GRIP1: variants seen among roughly 807,000 people sequenced by gnomAD.
GRIP1 encodes the protein glutamate receptor interacting protein 1, also known as glutamate receptor-interacting protein 1.
A neutral mutation model predicts 129.9 loss-of-function variants in GRIP1; 45 were observed. That is an observed-to-expected ratio of 0.35 (90% confidence interval 0.27 to 0.44). The LOEUF is 0.44. Ranked by LOEUF, GRIP1 falls within the 20% of genes least tolerant of loss-of-function variation. The pLI, the probability that GRIP1 is intolerant of heterozygous loss-of-function variation, is 1.00. For synonymous variants in GRIP1, 530 were observed against 520.8 expected (o/e 1.02, Z -0.24); for missense variants, 1,196 against 1,396.8 (o/e 0.86, Z 2.29).
At chr12:66,923,743 C>G (rs75412690) in intron 1 of GRIP1, among the ~76,000 whole-genome samples, 2,072 of 152,210 alleles carry the variant, frequency 0.014, 56 homozygotes, top group African/African-American at 0.047. Flanking sequence ...TGGGAAGATC[C>G]CTTACCCTAA....
chr12:66,618,313 G>T (rs576408748), intron 1 of GRIP1, among the ~76,000 whole-genome samples: 51 of 152,178 alleles, frequency 3.4e-4, no homozygotes, highest in African/African-American at 9.6e-4. Context: ...AGAAAATTAC[G>T]AATATAAATT....
intron 19 of GRIP1, among the ~76,000 whole-genome samples, chr12:66,388,318 C>T (rs555000798): frequency 2.8e-4 from 42 of 152,192 alleles, no homozygotes; most frequent in African/African-American, 9.6e-4. Context: ...GAAATAATTT[C>T]ATTTTCTGAG....
chr12:67,039,622 CAA>C (rs1475790057), intron 1 of GRIP1, among the ~76,000 whole-genome samples: 3 of 152,248 alleles, frequency 2.0e-5, no homozygotes, highest in South Asian at 2.1e-4. Flanking sequence ...AGGTGGAATT[CAA>C]AAGAGTCTCA....
intron 1 of GRIP1, among the ~76,000 whole-genome samples, chr12:66,689,146 C>T (rs1403147978): frequency 2.0e-5 from 3 of 152,182 alleles, no homozygotes; most frequent in East Asian, 3.8e-4. Context: ...AAGACAACCT[C>T]GGTCCAGTTT....
upstream of GRIP1, among the ~76,000 whole-genome samples, chr12:66,807,440 G>A (rs545757292): frequency 2.0e-3 from 299 of 152,200 alleles, no homozygotes; most frequent in African/African-American, 6.5e-3. Flanking sequence ...TTGGGAGGCC[G>A]AGGCAGGTGG....
At chr12:66,499,294 T>G (rs1266121060) in intron 7 of GRIP1, among the ~76,000 whole-genome samples, 1 of 152,140 alleles carries the variant, frequency 6.6e-6, no homozygotes, top group Non-Finnish European at 1.5e-5. Flanking sequence ...AAACAAGAGG[T>G]AGCCTGCTTA....
At chr12:67,039,871 T>C (rs1042601689) in intron 1 of GRIP1, among the ~76,000 whole-genome samples, 12 of 152,220 alleles carry the variant, frequency 7.9e-5, no homozygotes, top group African/African-American at 2.7e-4. Context: ...TGGTCTTTGG[T>C]AGGAAAAGAT....
intron 9 of GRIP1, among the ~76,000 whole-genome samples, chr12:66,460,252 T>G (rs1252289184): frequency 6.6e-6 from 1 of 152,142 alleles, no homozygotes; most frequent in African/African-American, 2.4e-5. Context: ...AACAACACAT[T>G]TAAAATATTA....
intron 1 of GRIP1, among the ~76,000 whole-genome samples, chr12:67,027,184 G>A (rs2042952980): frequency 6.6e-6 from 1 of 152,200 alleles, no homozygotes; most frequent in South Asian, 2.1e-4. Context: ...ACAGCTTGCA[G>A]GGACAGTAAA....
rs763966167 is a variant in GRIP1 at position 66,456,346 on chromosome 12, C to T, written c.1043-4G>A. 1.6e-6 allele frequency: 2 copies of T among 1,283,732 alleles called. No individual in the cohort carries two copies. Among genetic ancestry groups the T allele is most frequent in the African/African-American group, 1.5e-5 (1 of 65,700 alleles). The allele number at this position is 1,283,732 out of a possible 1,614,324, so 79.5% of individuals were successfully genotyped here. A position where few individuals can be genotyped will look rare whatever the true frequency, so the allele number is the denominator to read the frequency against. On this transcript the variant is annotated splice_region_variant and splice_polypyrimidine_tract_variant and intron_variant, in intron 9 of 24. Coordinates refer to ENST00000359742, the MANE Select transcript of GRIP1 (RefSeq NM_001366722.1). Reference sequence around the variant, plus strand: ...CTGTCGCTCCTCTGAATTTTCACTGCCCATATGAAGTGATGATGAAAAATA... The same window carrying T: ...CTGTCGCTCCTCTGAATTTTCACTGTCCATATGAAGTGATGATGAAAAATA...
At chr12:66,841,667 T>C (rs1300930373) in intron 1 of GRIP1, among the ~76,000 whole-genome samples, 1 of 152,166 alleles carries the variant, frequency 6.6e-6, no homozygotes, top group East Asian at 1.9e-4. Flanking sequence ...AAGTGGGGTT[T>C]CATGAAATAT....
chr12:66,673,370 C>T lies in GRIP1; in HGVS notation c.55+5480G>A, dbSNP rs570116672. On this transcript the variant is annotated intron_variant, in intron 1 of 24. Coordinates refer to ENST00000359742, the MANE Select transcript of GRIP1 (RefSeq NM_001366722.1). ...ATTTCCCAAAAGTATATAAGTTAATCGATTAGAATGCCTATCCTACATTGG... is the reference window on the plus strand; with the variant it reads ...ATTTCCCAAAAGTATATAAGTTAATTGATTAGAATGCCTATCCTACATTGG... Among the ~76,000 whole-genome samples, 10 of 152,226 alleles carry T rather than the reference C, an allele frequency of 6.6e-5. No individual in the cohort carries two copies. The South Asian group carries it at 1.9e-3, about 28-fold the overall frequency.
chr12:66,370,589 G>T (rs552040092), intron 23 of GRIP1, among the ~76,000 whole-genome samples: 3 of 152,150 alleles, frequency 2.0e-5, no homozygotes, highest in African/African-American at 7.2e-5. Flanking sequence ...GTAAGGTAAC[G>T]AATGTCTAGC....
intron 1 of GRIP1, among the ~76,000 whole-genome samples, chr12:66,864,518 C>T (rs1387425181): frequency 6.6e-6 from 1 of 151,502 alleles, no homozygotes; most frequent in Non-Finnish European, 1.5e-5. Context: ...AAGTTCGAGA[C>T]CAGCCTGGGC....
chr12:67,048,108 C>G (rs1565654926), intron 1 of GRIP1, among the ~76,000 whole-genome samples: 2 of 151,480 alleles, frequency 1.3e-5, no homozygotes. Context: ...ACAGAACACA[C>G]TGTTCTATTC....
At chr12:66,476,020 G>C (rs978506222) in intron 7 of GRIP1, among the ~76,000 whole-genome samples, 1 of 152,168 alleles carries the variant, frequency 6.6e-6, no homozygotes, top group African/African-American at 2.4e-5. Context: ...ACTAAGATCA[G>C]AGGAGAACTG....
chr12:66,852,546 A>ATATGTATATATGTATATG (rs2039932617), intron 1 of GRIP1, among the ~76,000 whole-genome samples: 1 of 144,716 alleles, frequency 6.9e-6, no homozygotes, highest in African/African-American at 2.6e-5. Flanking sequence ...ATATGTATAT[A>ATATGTATATATGTATATG]TGTATATGTA....
At chr12:67,031,811 T>C (rs1254866790) in intron 1 of GRIP1, among the ~76,000 whole-genome samples, 3 of 152,212 alleles carry the variant, frequency 2.0e-5, no homozygotes, top group Non-Finnish European at 4.4e-5. Flanking sequence ...ATAAATAATC[T>C]TAATCTTATT....
intron 7 of GRIP1, among the ~76,000 whole-genome samples, chr12:66,480,664 C>T (rs1394578417): frequency 6.6e-6 from 1 of 152,166 alleles, no homozygotes; most frequent in African/African-American, 2.4e-5. Flanking sequence ...TCAAACTATA[C>T]TACAAGGCTA....
Sources: allele counts gnomAD v4.1 joint callset (sites outside exome capture counted in the v4.1 genomes callset), GRCh38; gene constraint gnomAD v4.1.1; transcripts MANE v1.5; gene names NCBI Gene and HGNC (gene_info 2026-07-23, HGNC 2026-07-21).